Variants in PTPRM observed in about 807,000 individuals in gnomAD.
PTPRM encodes receptor-type tyrosine-protein phosphatase mu.
PTPRM carries 47 observed loss-of-function variants against 186.7 expected under a neutral mutation model. That is an observed-to-expected ratio of 0.25 (90% CI 0.20 to 0.32). The LOEUF is 0.32. Ranked by LOEUF, PTPRM falls within the 10% of genes least tolerant of loss-of-function variation. The pLI, the probability that PTPRM is intolerant of heterozygous loss-of-function variation, is 1.00. For synonymous variants in PTPRM, 668 were observed against 674.9 expected, an observed-to-expected ratio of 0.99 and a Z score of 0.16; for missense variants, 1,494 against 1,865.0, an observed-to-expected ratio of 0.80 and a Z score of 3.66.
Position 7,568,274 on chromosome 18 carries a change from C to G in PTPRM, c.73+383C>G, listed in dbSNP as rs913078699. Among the ~76,000 whole-genome samples the G allele has an allele frequency of 6.6e-6, 1 of 151,808 alleles. No individual in the cohort carries two copies. The highest frequency in any genetic ancestry group is 6.6e-5 in the Admixed American group (1 of 15,248). ...GTTCCCAGTTGCAGCCGCCGGGCCG[C>G]CTGGCGTAGGCGCTGCGCGGTCCCC... On this transcript the variant is annotated intron_variant, in intron 1 of 32. Transcript: ENST00000580170. This position sits in a 1 kb window ranked among gnomAD's most constrained non-coding sequence, Gnocchi z 5.1.
At chr18:7,792,130 T>C (rs2043372081) in intron 2 of PTPRM, among the ~76,000 whole-genome samples, 1 of 152,156 alleles carries the variant, frequency 6.6e-6, no homozygotes, top group Non-Finnish European at 1.5e-5. Flanking sequence ...AAATCAATAC[T>C]AAAAGTAAAC....
chr18:8,339,398 T>A (rs2095460564), intron 22 of PTPRM, among the ~76,000 whole-genome samples: 1 of 152,294 alleles, frequency 6.6e-6, no homozygotes, highest in Non-Finnish European at 1.5e-5. Flanking sequence ...TTGCCTATTG[T>A]GCAAACATCT....
intron 1 of PTPRM, among the ~76,000 whole-genome samples, chr18:7,691,665 G>A (rs1598382476): frequency 6.6e-6 from 1 of 152,142 alleles, no homozygotes. Context: ...CCAGCACTTT[G>A]GTACTTTGGG....
intron 2 of PTPRM, among the ~76,000 whole-genome samples, chr18:7,780,172 C>G (rs921045): frequency 0.026 from 3,945 of 152,270 alleles, 178 homozygotes; most frequent in African/African-American, 0.09. Flanking sequence ...ACAAAGTAAT[C>G]TTGTACATAT....
chr18:8,014,280 T>C (rs1166244712), intron 7 of PTPRM, among the ~76,000 whole-genome samples: 1 of 152,214 alleles, frequency 6.6e-6, no homozygotes, highest in Admixed American at 6.5e-5. Flanking sequence ...TAGAAAGCCC[T>C]TTTTAAGCAA....
At position 8,051,917 on chromosome 18, in the gene PTPRM, A is replaced by G. The variant is rs763364324; in HGVS notation, c.1133-17769A>G. Among the ~76,000 whole-genome samples the G allele has an allele frequency of 5.9e-5, 9 of 152,206 alleles. 1 individual carries two copies. Among genetic ancestry groups the G allele is most frequent in the African/African-American group, 9.7e-5 (4 of 41,444 alleles). On this transcript the variant is annotated intron_variant, in intron 7 of 32. Coordinates refer to ENST00000580170, the MANE Select transcript of PTPRM (RefSeq NM_001105244.2). ...ACATGGTTATTACATGATACAATCC[A>G]TATCTTTTAAAATCCATTTTCATGT...
intron 2 of PTPRM, among the ~76,000 whole-genome samples, chr18:7,837,296 A>G (rs2145794264): frequency 6.6e-6 from 1 of 152,276 alleles, no homozygotes; most frequent in East Asian, 1.9e-4. Flanking sequence ...CTACTATCAA[A>G]TGACTCATAC....
chr18:7,783,773 T>TGTGG (rs34283673), intron 2 of PTPRM, among the ~76,000 whole-genome samples: 1 of 150,940 alleles, frequency 6.6e-6, no homozygotes, highest in East Asian at 2.0e-4. Flanking sequence ...TGTGTGTGTG[T>TGTGG]ATGTGTGTGT....
chr18:7,720,013 G>C (rs1342853942), intron 1 of PTPRM, among the ~76,000 whole-genome samples: 5 of 152,248 alleles, frequency 3.3e-5, no homozygotes, highest in African/African-American at 1.2e-4. Context: ...ACCTGGGTGA[G>C]ATAGCAAGAC....
chr18:8,099,667 G>T (rs1047928305), intron 11 of PTPRM, among the ~76,000 whole-genome samples: 1 of 152,098 alleles, frequency 6.6e-6, no homozygotes, highest in South Asian at 2.1e-4. Context: ...TGTGCTCAGG[G>T]GTTCCACCTC....
chr18:7,902,182 A>G (rs1374482216), intron 3 of PTPRM, among the ~76,000 whole-genome samples: 1 of 152,202 alleles, frequency 6.6e-6, no homozygotes. Context: ...TAAAGTTTCT[A>G]ATTAAACTCA....
At chr18:7,711,328 C>T (rs1274539162) in intron 1 of PTPRM, among the ~76,000 whole-genome samples, 1 of 152,198 alleles carries the variant, frequency 6.6e-6, no homozygotes, top group Non-Finnish European at 1.5e-5. Context: ...TCATCGTCTT[C>T]ACAACCCACA....
chr18:8,194,071 C>T (rs543140853), intron 14 of PTPRM, among the ~76,000 whole-genome samples: 53 of 152,330 alleles, frequency 3.5e-4, no homozygotes, highest in African/African-American at 1.1e-3. Context: ...GAGAGGCCAT[C>T]GTGAAACCAA....
chr18:7,658,389 GAAC>G (rs2038906593), intron 1 of PTPRM, among the ~76,000 whole-genome samples: 9 of 138,316 alleles, frequency 6.5e-5, no homozygotes, highest in Admixed American at 5.9e-4. Flanking sequence ...CTATAAAAAT[GAAC>G]AACTTTAGTA....
intron 14 of PTPRM, among the ~76,000 whole-genome samples, chr18:8,238,861 C>T (rs2094382077): frequency 6.6e-6 from 1 of 151,478 alleles, no homozygotes; most frequent in South Asian, 2.1e-4. Flanking sequence ...TTATTCCTCT[C>T]CCCCACCGTT....
chr18:8,011,586 T>C (rs1298455056), intron 7 of PTPRM, among the ~76,000 whole-genome samples: 5 of 152,250 alleles, frequency 3.3e-5, no homozygotes. Context: ...GAGGGGACTT[T>C]TGCAGAAATA....
intron 2 of PTPRM, among the ~76,000 whole-genome samples, chr18:7,884,668 A>G (rs1256904386): frequency 6.6e-6 from 1 of 152,100 alleles, no homozygotes; most frequent in Non-Finnish European, 1.5e-5. Context: ...CTTGCCTGTA[A>G]TCCCAGCACT....
At chr18:8,092,608 C>T (rs1373373910) in intron 11 of PTPRM, among the ~76,000 whole-genome samples, 2 of 152,040 alleles carry the variant, frequency 1.3e-5, no homozygotes, top group African/African-American at 2.4e-5. Context: ...CCAATACTGA[C>T]ATGACCCTTC....
chr18:7,688,478 A>G (rs1341576175), intron 1 of PTPRM, among the ~76,000 whole-genome samples: 4 of 152,182 alleles, frequency 2.6e-5, no homozygotes, highest in Non-Finnish European at 5.9e-5. Flanking sequence ...TTGTTGGCCA[A>G]TTGTTGGAGG....
Sources: allele counts gnomAD v4.1 joint callset (sites outside exome capture counted in the v4.1 genomes callset), GRCh38; gene constraint gnomAD v4.1.1; non-coding constraint Gnocchi (gnomAD v3.1); transcripts MANE v1.5; gene names NCBI Gene and HGNC (gene_info 2026-07-23, HGNC 2026-07-21).